The following DTNA variants were observed in gnomAD, a reference collection of about 807,000 sequenced individuals.
DTNA encodes the protein dystrophin-related protein 3.
Under a neutral mutation model 100.7 loss-of-function variants are expected in DTNA, and 43 were observed. The ratio of observed to expected loss-of-function variants is 0.43; its 90% CI spans 0.33 to 0.55. DTNA has a LOEUF of 0.55. DTNA is among the 20% of genes least tolerant of loss of function. The pLI is 0.04. For synonymous variants in DTNA, 349 were observed against 347.9 expected (o/e 1.00, Z -0.04); for missense variants, 798 against 953.9 (o/e 0.84, Z 2.15).
intron 1 of DTNA, among the ~76,000 whole-genome samples, chr18:34,712,823 A>T (rs1338825968): frequency 6.6e-6 from 1 of 152,144 alleles, no homozygotes; most frequent in Admixed American, 6.5e-5. Flanking sequence ...ATCTGCAAAC[A>T]TTTACCTCTA....
In DTNA at chr18:34,815,270, A is replaced by G. The variant is rs552685376; in HGVS notation, c.604-639A>G. Among the ~76,000 whole-genome samples, 4 of 152,300 alleles carry G rather than the reference A, an allele frequency of 2.6e-5. No homozygotes were observed. The East Asian group carries it at 7.7e-4, about 29-fold the overall frequency. ...TCTTACTTTTATCATTTTGAAAGAA[A>G]CTTATAGATACAATGCATTCCTTTT... On this transcript the variant is annotated intron_variant, in intron 6 of 22. Transcript: ENST00000444659.
intron 1 of DTNA, among the ~76,000 whole-genome samples, chr18:34,605,077 A>C (rs1342316069): frequency 6.6e-6 from 1 of 151,988 alleles, no homozygotes; most frequent in Non-Finnish European, 1.5e-5. Flanking sequence ...ATGGAAAAAC[A>C]ATGGGCATTT....
At chr18:34,663,678 T>G (rs2075512566) in intron 1 of DTNA, among the ~76,000 whole-genome samples, 1 of 152,106 alleles carries the variant, frequency 6.6e-6, no homozygotes, top group African/African-American at 2.4e-5. Context: ...TGAAATTGAA[T>G]GAAATAAGCT....
intron 1 of DTNA, among the ~76,000 whole-genome samples, chr18:34,592,161 C>T (rs2049801067): frequency 6.6e-6 from 1 of 152,042 alleles, no homozygotes; most frequent in Admixed American, 6.6e-5. Flanking sequence ...TTGGAAACCC[C>T]CAAATGCTTA....
intron 1 of DTNA, among the ~76,000 whole-genome samples, chr18:34,526,178 A>G (rs1479014789): frequency 6.6e-6 from 1 of 152,194 alleles, no homozygotes; most frequent in African/African-American, 2.4e-5. Context: ...TTGAAAGATT[A>G]GCAAAATTTC....
chr18:34,746,212 G>T (rs576843460), intron 1 of DTNA, among the ~76,000 whole-genome samples: 17 of 150,192 alleles, frequency 1.1e-4, no homozygotes, highest in South Asian at 1.1e-3. Flanking sequence ...ATTATTTGGG[G>T]TTTTTTTTCA....
intron 1 of DTNA, among the ~76,000 whole-genome samples, chr18:34,738,727 AGTCTGC>A (rs2090099594): frequency 6.6e-6 from 1 of 152,208 alleles, no homozygotes. Flanking sequence ...GAGGAATGCC[AGTCTGC>A]TTAGTCATGC....
intron 1 of DTNA, among the ~76,000 whole-genome samples, chr18:34,606,033 A>C (rs2147335203): frequency 6.6e-6 from 1 of 152,300 alleles, no homozygotes; most frequent in Admixed American, 6.5e-5. Flanking sequence ...AATCCACTTC[A>C]GTTAGTAACT....
At chr18:34,859,811 T>C (rs2096596302) in intron 16 of DTNA, among the ~76,000 whole-genome samples, 2 of 152,154 alleles carry the variant, frequency 1.3e-5, no homozygotes, top group South Asian at 4.1e-4. Flanking sequence ...TAGCAGGCCT[T>C]GGAAAAGAAA....
chr18:34,650,198 A>G (rs2060283928), intron 1 of DTNA, among the ~76,000 whole-genome samples: 1 of 152,122 alleles, frequency 6.6e-6, no homozygotes, highest in South Asian at 2.1e-4. Context: ...GCACCTGAAA[A>G]TCTTCACTTC....
At chr18:34,538,266 G>A (rs12954757) in intron 1 of DTNA, among the ~76,000 whole-genome samples, 7,012 of 152,158 alleles carry the variant, frequency 0.046, 265 homozygotes, top group Non-Finnish European at 0.073. Context: ...AACAGACACT[G>A]TGGGGTTGGG....
intron 1 of DTNA, among the ~76,000 whole-genome samples, chr18:34,523,043 T>C (rs1192081444): frequency 2.0e-5 from 3 of 152,198 alleles, no homozygotes; most frequent in African/African-American, 7.2e-5. Context: ...AGTCCCACTT[T>C]AGAAAGCTTA....
chr18:34,881,848 G>T (rs975351072), intron 20 of DTNA, among the ~76,000 whole-genome samples: 2 of 142,380 alleles, frequency 1.4e-5, no homozygotes, highest in Non-Finnish European at 3.1e-5. Flanking sequence ...GATCGCAACT[G>T]CCATAAAAAA....
intron 1 of DTNA, among the ~76,000 whole-genome samples, chr18:34,688,189 G>T (rs1175357269): frequency 1.3e-5 from 2 of 152,132 alleles, no homozygotes; most frequent in Admixed American, 6.5e-5. Context: ...TCATCATGAT[G>T]CTAGCTGGTT....
At chr18:34,745,291 A>G (rs1181467684) in intron 1 of DTNA, among the ~76,000 whole-genome samples, 1 of 152,124 alleles carries the variant, frequency 6.6e-6, no homozygotes, top group African/African-American at 2.4e-5. Context: ...ATCTAGTTCA[A>G]TACTGCACTT....
chr18:34,659,633 GACACACAC>G (rs58171317), intron 1 of DTNA, among the ~76,000 whole-genome samples: 15 of 146,880 alleles, frequency 1.0e-4, no homozygotes, highest in Non-Finnish European at 1.7e-4. Context: ...GACACACACA[GACACACAC>G]ACACACACAC....
intron 4 of DTNA, 61 bp from the exon 5 acceptor site, chr18:34,806,158 A>T: frequency 6.9e-7 from 1 of 1,454,748 alleles, no homozygotes; most frequent in Middle Eastern, 1.9e-4. Flanking sequence ...GAAGTACTCC[A>T]AATGACATCA....
At chr18:34,584,669 C>T (rs189474815) in intron 1 of DTNA, among the ~76,000 whole-genome samples, 1 of 152,174 alleles carries the variant, frequency 6.6e-6, no homozygotes, top group African/African-American at 2.4e-5. Context: ...ACAAAATTTC[C>T]TGGAACTGAA....
chr18:34,791,229 A>G (rs1330232515), intron 3 of DTNA, among the ~76,000 whole-genome samples: 1 of 152,178 alleles, frequency 6.6e-6, no homozygotes, highest in Non-Finnish European at 1.5e-5. Flanking sequence ...CCCTTTGCCA[A>G]CAGCCATTTA....
Sources: gnomAD v4.1 joint callset for allele counts (sites outside exome capture counted in the v4.1 genomes callset) on GRCh38, gnomAD v4.1.1 for gene constraint, MANE v1.5 for transcripts, NCBI Gene and HGNC (gene_info 2026-07-23, HGNC 2026-07-21) for gene names.